The following CHMP4B variants were observed in gnomAD, a reference collection of about 807,000 sequenced individuals.
The protein encoded by CHMP4B is SNF7 homolog associated with Alix 1.
CHMP4B carries 1 observed loss-of-function variant against 25.1 expected under a neutral mutation model. The ratio of observed to expected loss-of-function variants is 0.04; its 90% CI spans 0.01 to 0.19. CHMP4B has a LOEUF of 0.19. CHMP4B is among the 10% of genes least tolerant of loss of function. CHMP4B has a pLI of 1.00. For synonymous variants in CHMP4B, 101 were observed against 115.6 expected (o/e 0.87, Z 0.81); for missense variants, 151 against 289.7 (o/e 0.52, Z 3.48).
intron 1 of CHMP4B, 34 bp from the exon 2 acceptor site, chr20:33,848,433 G>A: frequency 6.2e-7 from 1 of 1,611,664 alleles, no homozygotes; most frequent in Non-Finnish European, 8.5e-7. Context: ...CCTGTGCCGG[G>A]ACTCTCTGAA....
chr20:33,828,237 A>C (rs143099495), intron 1 of CHMP4B, among the ~76,000 whole-genome samples: 1 of 152,222 alleles, frequency 6.6e-6, no homozygotes, highest in Non-Finnish European at 1.5e-5. Flanking sequence ...TCCCAGGCCC[A>C]GAGAGGTTAG....
At chr20:33,826,424 C>T (rs1243780569) in intron 1 of CHMP4B, among the ~76,000 whole-genome samples, 3 of 152,032 alleles carry the variant, frequency 2.0e-5, no homozygotes, top group East Asian at 1.9e-4. Context: ...GTATGGGTTG[C>T]GGCCTCCCTG....
intron 1 of CHMP4B, among the ~76,000 whole-genome samples, chr20:33,844,992 T>C (rs936023072): frequency 5.3e-5 from 8 of 152,168 alleles, no homozygotes; most frequent in East Asian, 3.9e-4. Context: ...ATCTCCTGAC[T>C]TTGTAATCCA....
chr20:33,830,933 G>GTGTTTTTTTTTTTTTT (rs1979222694), intron 1 of CHMP4B, among the ~76,000 whole-genome samples: 1 of 102,524 alleles, frequency 9.8e-6, no homozygotes. Flanking sequence ...AAGGAACAGA[G>GTGTTTTTTTTTTTTTT]TTTTTTTTTT....
chr20:33,849,627 A>C (rs553219484), intron 2 of CHMP4B, among the ~76,000 whole-genome samples: 119 of 152,154 alleles, frequency 7.8e-4, no homozygotes, highest in African/African-American at 2.7e-3. Flanking sequence ...AAAAATAAAA[A>C]ATCTGCATTT....
intron 1 of CHMP4B, among the ~76,000 whole-genome samples, chr20:33,843,480 T>C (rs1979599913): frequency 6.6e-6 from 1 of 152,224 alleles, no homozygotes; most frequent in Non-Finnish European, 1.5e-5. Context: ...CACCTCTTTT[T>C]TGAATATTTG....
At chr20:33,818,979 A>G in intron 1 of CHMP4B, among the ~76,000 whole-genome samples, 1 of 151,784 alleles carries the variant, frequency 6.6e-6, no homozygotes, top group Non-Finnish European at 1.5e-5. Flanking sequence ...GCGCCATCTC[A>G]TCTCACTGCA....
intron 1 of CHMP4B, among the ~76,000 whole-genome samples, chr20:33,813,575 T>G (rs902908668): frequency 3.9e-5 from 6 of 152,116 alleles, no homozygotes; most frequent in Non-Finnish European, 8.8e-5. Context: ...CTCTGATGAC[T>G]CTCCCTCAGT....
intron 1 of CHMP4B, among the ~76,000 whole-genome samples, chr20:33,820,404 T>C (rs951897141): frequency 6.6e-6 from 1 of 152,236 alleles, no homozygotes; most frequent in Admixed American, 6.5e-5. Flanking sequence ...TTAATTTCAG[T>C]TGATCCATTT....
intron 1 of CHMP4B, among the ~76,000 whole-genome samples, chr20:33,819,893 C>A (rs998145364): frequency 1.3e-5 from 2 of 152,046 alleles, no homozygotes; most frequent in Non-Finnish European, 2.9e-5. Flanking sequence ...TCTGGCCAGG[C>A]GTGGTGGCTC....
intron 1 of CHMP4B, among the ~76,000 whole-genome samples, chr20:33,829,470 G>GCC (rs1979182712): frequency 6.6e-6 from 1 of 152,268 alleles, no homozygotes; most frequent in South Asian, 2.1e-4. Flanking sequence ...AGGCTCTAAG[G>GCC]AACTGATTTC....
rs956164626 is a variant in CHMP4B at position 33,811,384 on chromosome 20, G to T, written c.-85G>T. The T allele has an allele frequency of 1.4e-4, 163 of 1,174,356 alleles. No homozygotes were observed. In the African/African-American group the frequency reaches 2.3e-3, roughly 17 times the overall value. 72.7% of individuals were successfully genotyped at this position (1,174,356 alleles called of 1,614,324 possible). On this transcript the variant is annotated 5_prime_UTR_variant, in exon 1 of 5. Coordinates refer to ENST00000217402, the MANE Select transcript of CHMP4B (RefSeq NM_176812.5). ...CGGCGGCAGGGAGCGGCGGGACTGG[G>T]AGCGGGCGCCGGAGCCGACCCGAGC... is the stretch of plus-strand genomic sequence containing the variant.
chr20:33,821,084 A>G (rs1197419440), intron 1 of CHMP4B, among the ~76,000 whole-genome samples: 2 of 152,178 alleles, frequency 1.3e-5, no homozygotes. Flanking sequence ...TGCATAAGCA[A>G]TCATTATAAA....
intron 1 of CHMP4B, among the ~76,000 whole-genome samples, chr20:33,815,190 A>G (rs1978750283): frequency 6.6e-6 from 1 of 152,194 alleles, no homozygotes; most frequent in Non-Finnish European, 1.5e-5. Flanking sequence ...GGGTACTAGT[A>G]TCTGCCTGAT....
At chr20:33,818,140 C>T (rs936716086) in intron 1 of CHMP4B, among the ~76,000 whole-genome samples, 1 of 152,102 alleles carries the variant, frequency 6.6e-6, no homozygotes, top group African/African-American at 2.4e-5. Context: ...GGCAAATAGG[C>T]GAGATGAAAC....
intron 1 of CHMP4B, among the ~76,000 whole-genome samples, chr20:33,815,964 G>A (rs1355883320): frequency 6.6e-6 from 1 of 152,176 alleles, no homozygotes; most frequent in Non-Finnish European, 1.5e-5. Flanking sequence ...GCTATTCCCT[G>A]CTGGGTGTGT....
intron 2 of CHMP4B, among the ~76,000 whole-genome samples, chr20:33,849,845 A>G (rs547723505): frequency 4.5e-4 from 68 of 152,286 alleles, no homozygotes; most frequent in African/African-American, 1.6e-3. Flanking sequence ...GCCCAATCCT[A>G]GCTCACTGCA....
intron 1 of CHMP4B, among the ~76,000 whole-genome samples, chr20:33,833,492 G>A (rs1979310479): frequency 6.6e-6 from 1 of 152,126 alleles, no homozygotes; most frequent in Non-Finnish European, 1.5e-5. Context: ...GATTATTGCA[G>A]TGGTTGCCAG....
intron 1 of CHMP4B, among the ~76,000 whole-genome samples, chr20:33,841,877 G>A (rs1979551919): frequency 6.6e-6 from 1 of 152,148 alleles, no homozygotes; most frequent in African/African-American, 2.4e-5. Flanking sequence ...TTTCCTTATG[G>A]CACGGGGAAC....
Sources: allele counts gnomAD v4.1 joint callset (sites outside exome capture counted in the v4.1 genomes callset), GRCh38; gene constraint gnomAD v4.1.1; transcripts MANE v1.5; gene names NCBI Gene and HGNC (gene_info 2026-07-23, HGNC 2026-07-21).